Variants in ADCK1 observed in about 807,000 individuals in gnomAD.
ADCK1 encodes aarF domain containing kinase 1.
ADCK1 carries 41 observed loss-of-function variants against 52.3 expected under a neutral mutation model. The ratio of observed to expected loss-of-function variants is 0.78; its 90% CI spans 0.61 to 1.02. ADCK1 has a LOEUF of 1.02. Ranked by LOEUF, ADCK1 falls within the 50% of genes least tolerant of loss-of-function variation. The pLI is 0.00. For synonymous variants in ADCK1, 250 were observed against 274.6 expected (o/e 0.91, Z 0.89); for missense variants, 658 against 679.5 (o/e 0.97, Z 0.35).
chr14:77,929,106 G>A (rs1322201595), intron 9 of ADCK1, among the ~76,000 whole-genome samples: 1 of 152,212 alleles, frequency 6.6e-6, no homozygotes, highest in Non-Finnish European at 1.5e-5. Flanking sequence ...AGATCATAAA[G>A]TTAGCTACTC....
chr14:77,837,501 A>G (rs958634281), intron 3 of ADCK1, among the ~76,000 whole-genome samples: 1 of 152,254 alleles, frequency 6.6e-6, no homozygotes, highest in Non-Finnish European at 1.5e-5. Context: ...TTACAGTCAC[A>G]GATTCCAGGG....
chr14:77,812,588 T>C (rs2081358312), intron 1 of ADCK1, among the ~76,000 whole-genome samples: 5 of 152,218 alleles, frequency 3.3e-5, no homozygotes, highest in Admixed American at 3.3e-4. Flanking sequence ...TTGTGCATAC[T>C]ACTGCATATT....
At chr14:77,893,723 C>CTCTT (rs2083330786) in intron 5 of ADCK1, among the ~76,000 whole-genome samples, 1 of 64,082 alleles carries the variant, frequency 1.6e-5, no homozygotes, top group Non-Finnish European at 3.2e-5. Flanking sequence ...CTTGTTTCTT[C>CTCTT]CCTTCCTTCC....
At chr14:77,930,632 C>T (rs2084306647) in intron 9 of ADCK1, among the ~76,000 whole-genome samples, 1 of 152,194 alleles carries the variant, frequency 6.6e-6, no homozygotes, top group African/African-American at 2.4e-5. Flanking sequence ...TCACCACTTA[C>T]TAGCACTTAA....
chr14:77,883,970 A>G (rs2083090088), intron 4 of ADCK1, among the ~76,000 whole-genome samples: 3 of 152,052 alleles, frequency 2.0e-5, no homozygotes, highest in Non-Finnish European at 4.4e-5. Context: ...CTCGCCCTGG[A>G]GATTAGGATC....
At chr14:77,850,743 C>G (rs916050833) in intron 3 of ADCK1, among the ~76,000 whole-genome samples, 1 of 150,818 alleles carries the variant, frequency 6.6e-6, no homozygotes, top group Non-Finnish European at 1.5e-5. Flanking sequence ...CTCCACCTCC[C>G]GGATTCACGC....
intron 5 of ADCK1, among the ~76,000 whole-genome samples, chr14:77,889,897 A>C (rs966116855): frequency 2.0e-4 from 30 of 151,674 alleles, no homozygotes; most frequent in Non-Finnish European, 3.1e-4. Context: ...AAAAAAAAAA[A>C]AAAAAAACAG....
intron 8 of ADCK1, among the ~76,000 whole-genome samples, chr14:77,925,396 C>A (rs892660986): frequency 6.6e-6 from 1 of 152,208 alleles, no homozygotes; most frequent in Non-Finnish European, 1.5e-5. Context: ...TTGGAGGAGC[C>A]TGCAGGGGAA....
chr14:77,927,904 C>T (rs1016128612), intron 9 of ADCK1, among the ~76,000 whole-genome samples: 1 of 152,212 alleles, frequency 6.6e-6, no homozygotes, highest in Non-Finnish European at 1.5e-5. Context: ...CAGCACAAAA[C>T]AAAGCCCTTC....
intron 1 of ADCK1, among the ~76,000 whole-genome samples, chr14:77,814,695 CAAAAAAAAAAA>C (rs995163952): frequency 2.8e-5 from 1 of 35,922 alleles, no homozygotes; most frequent in African/African-American, 9.7e-5. Flanking sequence ...AAGACACTCT[CAAAAAAAAAAA>C]AAAAAAAAAA....
chr14:77,833,984 C>G (rs1381432752), intron 3 of ADCK1, among the ~76,000 whole-genome samples: 5 of 152,176 alleles, frequency 3.3e-5, no homozygotes, highest in African/African-American at 9.7e-5. Flanking sequence ...ATTCAGTGAT[C>G]ACCCTCATGC....
intron 3 of ADCK1, among the ~76,000 whole-genome samples, chr14:77,847,267 C>T (rs142960984): frequency 6.6e-6 from 1 of 152,128 alleles, no homozygotes; most frequent in Non-Finnish European, 1.5e-5. Flanking sequence ...ATGGGCCTGT[C>T]AGGAGTTTAA....
intron 3 of ADCK1, among the ~76,000 whole-genome samples, chr14:77,852,686 T>TA (rs1406557362): frequency 2.3e-5 from 2 of 87,676 alleles, no homozygotes; most frequent in African/African-American, 1.1e-4. Flanking sequence ...TATATATATA[T>TA]ATATATATAT....
At position 77,924,446 on chromosome 14, in the gene ADCK1, T is replaced by C; in HGVS notation, c.859-11T>C. 6.2e-7 allele frequency: 1 copy of C among 1,613,682 alleles called. No homozygotes were observed. On this transcript the variant is annotated splice_polypyrimidine_tract_variant and intron_variant, in intron 7 of 10. Transcript: ENST00000238561. ...GGAGAGGAGCTCCCACCTGCCCCTC[T>C]TCTCTTTCAGATCTCACGCCACCTG...
At chr14:77,873,804 G>C (rs1258858061) in intron 4 of ADCK1, among the ~76,000 whole-genome samples, 1 of 152,108 alleles carries the variant, frequency 6.6e-6, no homozygotes, top group African/African-American at 2.4e-5. Context: ...GTTTTCTGAG[G>C]CCTCCCCAGC....
intron 2 of ADCK1, among the ~76,000 whole-genome samples, chr14:77,820,772 T>A (rs1239314056): frequency 3.3e-5 from 5 of 151,820 alleles, no homozygotes; most frequent in Admixed American, 6.6e-5. Context: ...TATTATTATT[T>A]TTTTGAGACA....
chr14:77,840,715 G>C (rs1196214557), intron 3 of ADCK1, among the ~76,000 whole-genome samples: 1 of 151,920 alleles, frequency 6.6e-6, no homozygotes, highest in Non-Finnish European at 1.5e-5. Flanking sequence ...AAGCATGGTG[G>C]TGTGCGCCTG....
intron 5 of ADCK1, among the ~76,000 whole-genome samples, chr14:77,895,215 G>A (rs576631109): frequency 4.6e-5 from 7 of 152,136 alleles, no homozygotes; most frequent in Admixed American, 1.3e-4. Flanking sequence ...TACCTTGATT[G>A]ATTCATAAGG....
At chr14:77,848,363 AG>A (rs1195671519) in intron 3 of ADCK1, among the ~76,000 whole-genome samples, 2 of 152,220 alleles carry the variant, frequency 1.3e-5, no homozygotes, top group African/African-American at 4.8e-5. Context: ...TTGGAGCCCA[AG>A]TTCTTGCATC....
Sources: allele counts gnomAD v4.1 joint callset (sites outside exome capture counted in the v4.1 genomes callset), GRCh38; gene constraint gnomAD v4.1.1; transcripts MANE v1.5; gene names NCBI Gene and HGNC (gene_info 2026-07-23, HGNC 2026-07-21).